The following TMEM201 variants were observed in gnomAD, a reference collection of about 807,000 sequenced individuals.
The protein encoded by TMEM201 is transmembrane protein 201.
A neutral mutation model predicts 63.4 loss-of-function variants in TMEM201; 26 were observed. That is an observed-to-expected ratio of 0.41 (90% CI 0.30 to 0.57). The LOEUF is 0.57. TMEM201 is among the 20% of genes least tolerant of loss of function. TMEM201 has a pLI of 0.29. For missense variants in TMEM201, 794 were observed against 917.7 expected (o/e 0.87, Z 1.74); for synonymous variants, 417 against 421.6 (o/e 0.99, Z 0.14).
At chr1:9,612,011 G>C in intron 10 of TMEM201, 121 bp downstream of exon 10, 1 of 1,215,748 alleles carries the variant, frequency 8.2e-7, no homozygotes, top group South Asian at 1.6e-5. Flanking sequence ...TCCCTGAGTG[G>C]CCGACAAGTA....
rs1379223120 is a variant in TMEM201 at position 9,608,109 on chromosome 1, C to T, written c.1393+320C>T. ...TGTTTTAATTAACTGGGCATGGTGG[C>T]GTACACCTATAGTCCCAGCTATTTA... On this transcript the variant is annotated intron_variant, in intron 7 of 10. Coordinates refer to ENST00000340381, the MANE Select transcript of TMEM201 (RefSeq NM_001130924.3). This position sits in a 1 kb window ranked among gnomAD's most constrained non-coding sequence, Gnocchi z 4.3. Among the ~76,000 whole-genome samples, 2 of 152,192 alleles carry T rather than the reference C, an allele frequency of 1.3e-5. No homozygotes were observed. The highest frequency in any genetic ancestry group is 4.8e-5 in the African/African-American group (2 of 41,526).
intron 4 of TMEM201, among the ~76,000 whole-genome samples, chr1:9,599,897 C>A (rs1312422842): frequency 1.3e-5 from 2 of 152,224 alleles, no homozygotes; most frequent in South Asian, 2.1e-4. Flanking sequence ...TGCGCCCGGC[C>A]CCTATTGTGA....
At chr1:9,590,797 G>A (rs1643906931) in intron 1 of TMEM201, among the ~76,000 whole-genome samples, 1 of 152,174 alleles carries the variant, frequency 6.6e-6, no homozygotes, top group Admixed American at 6.5e-5. Context: ...GTCATAAATT[G>A]GCCACTGTCA....
chr1:9,600,360 C>G (rs1644113895), intron 4 of TMEM201, among the ~76,000 whole-genome samples: 1 of 152,124 alleles, frequency 6.6e-6, no homozygotes, highest in Non-Finnish European at 1.5e-5. Context: ...TCTCAGCTTC[C>G]CTGAGTGTGG....
rs765090873 is a variant in TMEM201 at position 9,603,803 on chromosome 1, G to A, written c.1160+1531G>A. 6 of 985,300 alleles carry A rather than the reference G, an allele frequency of 6.1e-6. No individual in the cohort carries two copies. Among genetic ancestry groups the A allele is most frequent in the South Asian group, 4.7e-5 (1 of 21,290 alleles). The allele number at this position is 985,300 out of a possible 1,614,324, so 61.0% of individuals were successfully genotyped here. A position where few individuals can be genotyped will look rare whatever the true frequency, so the allele number is the denominator to read the frequency against. ...AACCCAGGTGCATCGGGAGACCCTC[G>A]GGGGCTTCTGTGGCCTCTGTGCCCG... On this transcript the variant is annotated intron_variant, in intron 6 of 10. Transcript: ENST00000340381. This position sits in a 1 kb window ranked among gnomAD's most constrained non-coding sequence, Gnocchi z 4.5.
At chr1:9,606,852 G>A (rs1569953321) in intron 6 of TMEM201, among the ~76,000 whole-genome samples, 1 of 152,174 alleles carries the variant, frequency 6.6e-6, no homozygotes, top group African/African-American at 2.4e-5. Context: ...GTCGTGGATG[G>A]GTCTCTTCTA....
In TMEM201 at chr1:9,604,447, A is replaced by C; in HGVS notation, c.1160+2175A>C. ...CCCTTAAAAGTTTCACTACGTGGAG[A>C]AAATTCCAGCACCAAGTGTTGTGGC... is the stretch of plus-strand genomic sequence containing the variant. On this transcript the variant is annotated intron_variant, in intron 6 of 10. Coordinates refer to ENST00000340381, the MANE Select transcript of TMEM201 (RefSeq NM_001130924.3). The surrounding 1 kb of genome is among the most constrained non-coding windows in gnomAD (Gnocchi z 4.1). The C allele has an allele frequency of 1.0e-6, 1 of 985,424 alleles. No homozygotes were observed. Among genetic ancestry groups the C allele is most frequent in the Non-Finnish European group, 1.2e-6 (1 of 829,932 alleles). The allele number at this position is 985,424 out of a possible 1,614,324, so 61.0% of individuals were successfully genotyped here.
intron 2 of TMEM201, 44 bp downstream of exon 2, chr1:9,596,054 G>A (rs745476132): frequency 6.3e-7 from 1 of 1,598,490 alleles, no homozygotes; most frequent in Non-Finnish European, 8.5e-7. Flanking sequence ...GCGGGGGTGG[G>A]GATCTTGAGA....
rs560083939 is a variant in TMEM201 at position 9,610,946 on chromosome 1, C to T, written c.1765+141C>T. The T allele has an allele frequency of 3.1e-5, 46 of 1,507,156 alleles. 1 individual carries two copies. The highest frequency in any genetic ancestry group is 2.8e-4 in the South Asian group (23 of 82,122). 93.4% of individuals were successfully genotyped at this position (1,507,156 alleles called of 1,614,324 possible). ...CCCTGGAGCTCTAGGCACCCCATTCCGGCTCTGGTGACTTGAACCCTCTGG... is the reference window on the plus strand; with the variant it reads ...CCCTGGAGCTCTAGGCACCCCATTCTGGCTCTGGTGACTTGAACCCTCTGG... On this transcript the variant is annotated intron_variant, in intron 9 of 10. Coordinates refer to ENST00000340381, the MANE Select transcript of TMEM201 (RefSeq NM_001130924.3). This position sits in a 1 kb window ranked among gnomAD's most constrained non-coding sequence, Gnocchi z 4.9.
intron 6 of TMEM201, chr1:9,602,522 C>T (rs1644165676): frequency 7.2e-7 from 1 of 1,396,504 alleles, no homozygotes; most frequent in Admixed American, 2.9e-5. Context: ...ACTGCTGCCA[C>T]CTCTCTGGCC....
rs924961976 is a variant in TMEM201, at chr1:9,607,544, C to T, written c.1161-13C>T. Reference sequence around the variant, plus strand: ...GACCCTCTTCTTGTCCCGTGCCTGACGGGCCCTTGCAGGTTCTTCCCAGGA... The same window carrying T: ...GACCCTCTTCTTGTCCCGTGCCTGATGGGCCCTTGCAGGTTCTTCCCAGGA... On this transcript the variant is annotated splice_polypyrimidine_tract_variant and intron_variant, in intron 6 of 10. Coordinates refer to ENST00000340381, the MANE Select transcript of TMEM201 (RefSeq NM_001130924.3). The surrounding 1 kb of genome is among the most constrained non-coding windows in gnomAD (Gnocchi z 5.4). The T allele has an allele frequency of 6.5e-6, 10 of 1,538,854 alleles. No homozygotes were observed. Among genetic ancestry groups the T allele is most frequent in the South Asian group, 6.1e-5 (5 of 82,006 alleles).
In TMEM201 at chr1:9,598,700, C is replaced by G. The variant is rs991711072; in HGVS notation, c.606+75C>G. Reference sequence around the variant, plus strand: ...GGAAACCCTCCCAGGAGGCTGGGCACTAGTGACCAGAGGGTAGCTCTTCAG... The same window carrying G: ...GGAAACCCTCCCAGGAGGCTGGGCAGTAGTGACCAGAGGGTAGCTCTTCAG... On this transcript the variant is annotated intron_variant, in intron 4 of 10. Transcript: ENST00000340381. The G allele has an allele frequency of 4.1e-6, 6 of 1,464,166 alleles. No individual in the cohort carries two copies. The African/African-American group carries it at 4.2e-5, about 10-fold the overall frequency. The allele number at this position is 1,464,166 out of a possible 1,614,324, so 90.7% of individuals were successfully genotyped here.
At chr1:9,590,405 T>A (rs145049858) in intron 1 of TMEM201, among the ~76,000 whole-genome samples, 1 of 152,256 alleles carries the variant, frequency 6.6e-6, no homozygotes, top group Non-Finnish European at 1.5e-5. Context: ...TGGGGGGTGT[T>A]GCCTCAAGGA....
intron 1 of TMEM201, 42 bp from the exon 2 acceptor site, chr1:9,595,848 C>T: frequency 1.2e-6 from 2 of 1,609,778 alleles, no homozygotes; most frequent in South Asian, 1.1e-5. Flanking sequence ...CCAGCAGGTG[C>T]TGGGGTCTTC....
intron 1 of TMEM201, among the ~76,000 whole-genome samples, chr1:9,590,159 T>C (rs929288803): frequency 6.6e-6 from 1 of 152,072 alleles, no homozygotes; most frequent in African/African-American, 2.4e-5. Flanking sequence ...GGGGATTGAG[T>C]GACCCCAGCC....
intron 1 of TMEM201, among the ~76,000 whole-genome samples, chr1:9,591,677 G>C (rs1427653385): frequency 1.3e-5 from 2 of 152,240 alleles, no homozygotes; most frequent in South Asian, 2.1e-4. Context: ...TAGTGTTTGG[G>C]GACAAAGAGG....
chr1:9,603,063 G>C lies in TMEM201; in HGVS notation c.1160+791G>C. ...CCTTGGGGAATCTGAGCTTTTCCAAGGGTAAGGGGCCCAGGGTATGCAGGC... is the reference window on the plus strand; with the variant it reads ...CCTTGGGGAATCTGAGCTTTTCCAACGGTAAGGGGCCCAGGGTATGCAGGC... On this transcript the variant is annotated intron_variant, in intron 6 of 10. Coordinates refer to ENST00000340381, the MANE Select transcript of TMEM201 (RefSeq NM_001130924.3). This position sits in a 1 kb window ranked among gnomAD's most constrained non-coding sequence, Gnocchi z 4.5. 1.0e-6 allele frequency: 1 copy of C among 985,520 alleles called. No homozygotes were observed. The highest frequency in any genetic ancestry group is 1.2e-6 in the Non-Finnish European group (1 of 829,980). The allele number at this position is 985,520 out of a possible 1,614,324, so 61.0% of individuals were successfully genotyped here. A position where few individuals can be genotyped will look rare whatever the true frequency, so the allele number is the denominator to read the frequency against.
chr1:9,607,818 G>T lies in TMEM201; in HGVS notation c.1393+29G>T, dbSNP rs777327554. On this transcript the variant is annotated intron_variant, in intron 7 of 10. Transcript: ENST00000340381. The surrounding 1 kb of genome is among the most constrained non-coding windows in gnomAD (Gnocchi z 5.4). ...AGGGGTGCCCAGGCATTGGCAGACA[G>T]TCAGGGCTAGGGGCAGCTGGGACAG... is the stretch of plus-strand genomic sequence containing the variant. The T allele has an allele frequency of 1.6e-5, 24 of 1,545,778 alleles. No individual in the cohort carries two copies. Among genetic ancestry groups the T allele is most frequent in the Non-Finnish European group, 2.1e-5 (24 of 1,143,188 alleles).
intron 1 of TMEM201, among the ~76,000 whole-genome samples, chr1:9,589,988 C>A (rs542676529): frequency 6.6e-6 from 1 of 152,236 alleles, no homozygotes; most frequent in Non-Finnish European, 1.5e-5. Context: ...TCTGTTTGTT[C>A]TTCCTTAACA....
Sources: gnomAD v4.1 joint callset for allele counts (sites outside exome capture counted in the v4.1 genomes callset) on GRCh38, gnomAD v4.1.1 for gene constraint, Gnocchi (gnomAD v3.1) non-coding constraint, MANE v1.5 for transcripts, NCBI Gene and HGNC (gene_info 2026-07-23, HGNC 2026-07-21) for gene names.